CABP1: variants seen among roughly 807,000 people sequenced by gnomAD.
The protein encoded by CABP1 is calcium-binding protein 1.
In CABP1, 17 loss-of-function variants were observed where a neutral mutation model predicts 34.3. That is an observed-to-expected ratio of 0.50 (90% CI 0.34 to 0.74). The LOEUF (loss-of-function observed/expected upper bound fraction) is 0.74. Ranked by LOEUF, CABP1 falls within the 30% of genes least tolerant of loss-of-function variation. The pLI, the probability that CABP1 is intolerant of heterozygous loss-of-function variation, is 0.01. For missense variants in CABP1, 373 were observed against 511.1 expected (o/e 0.73, Z 2.61); for synonymous variants, 198 against 229.2 (o/e 0.86, Z 1.23).
chr12:120,643,966 G>T (rs1879445151), intron 1 of CABP1, among the ~76,000 whole-genome samples: 1 of 152,194 alleles, frequency 6.6e-6, no homozygotes. Context: ...AAGGCACAAA[G>T]ATGAATTCCT....
intron 1 of CABP1, among the ~76,000 whole-genome samples, chr12:120,642,573 C>T (rs1304686207): frequency 6.6e-6 from 1 of 152,082 alleles, no homozygotes; most frequent in Non-Finnish European, 1.5e-5. Flanking sequence ...CCTCGTTAGC[C>T]GAGTTAGCTG....
chr12:120,657,449 GC>G (rs1432446282), intron 1 of CABP1, among the ~76,000 whole-genome samples: 1 of 152,176 alleles, frequency 6.6e-6, no homozygotes, highest in African/African-American at 2.4e-5. Context: ...AGAGTGACCT[GC>G]CTGAGGAAGT....
At position 120,647,440 on chromosome 12, in the gene CABP1, C is replaced by A. The variant is rs922045203; in HGVS notation, c.654+6101C>A. 4.7e-5 allele frequency among the ~76,000 whole-genome samples: 7 copies of A among 150,462 alleles called. No homozygotes were observed. The East Asian group carries it at 1.4e-3, about 29-fold the overall frequency. On this transcript the variant is annotated intron_variant, in intron 1 of 5. Coordinates refer to ENST00000316803, the MANE Select transcript of CABP1 (RefSeq NM_001033677.2). ...GTCTCACTATGTTGTCCAGGCTGGT[C>A]TCGAACTCCTGGGCTCAATGATCCT... is the stretch of plus-strand genomic sequence containing the variant.
At chr12:120,666,473 C>CAAAAAA (rs55848637) in intron 5 of CABP1, among the ~76,000 whole-genome samples, 2 of 81,132 alleles carry the variant, frequency 2.5e-5, no homozygotes, top group Non-Finnish European at 4.7e-5. Flanking sequence ...GACTCCATCT[C>CAAAAAA]AAAAAAAAAA....
At chr12:120,664,573 G>A (rs1360724797) in intron 5 of CABP1, among the ~76,000 whole-genome samples, 2 of 152,080 alleles carry the variant, frequency 1.3e-5, no homozygotes, top group South Asian at 2.1e-4. Context: ...ATTGCTCAGT[G>A]CTAAAAAGAG....
chr12:120,672,260 T>A (rs2137387824), downstream of CABP1, among the ~76,000 whole-genome samples: 1 of 152,256 alleles, frequency 6.6e-6, no homozygotes, highest in Non-Finnish European at 1.5e-5. Flanking sequence ...GACATCAGTT[T>A]TTGACATCCA....
intron 1 of CABP1, among the ~76,000 whole-genome samples, chr12:120,646,754 C>T (rs1030515183): frequency 6.6e-6 from 1 of 152,132 alleles, no homozygotes. Context: ...CTCAACTGAT[C>T]CTCCCACCTC....
At chr12:120,655,591 T>A in intron 1 of CABP1, 1 of 1,307,432 alleles carries the variant, frequency 7.6e-7, no homozygotes, top group East Asian at 2.9e-5. Context: ...TTGCCCTCAC[T>A]GCCTTCCAGC....
chr12:120,679,554 G>A, the CABP1 span, among the ~76,000 whole-genome samples: 2 of 152,168 alleles, frequency 1.3e-5, no homozygotes, highest in African/African-American at 4.8e-5. Flanking sequence ...TGGGCTGGGC[G>A]CAGTGGCTCA....
chr12:120,674,382 A>G, the CABP1 span, among the ~76,000 whole-genome samples: 9,835 of 152,272 alleles, frequency 0.065, 376 homozygotes, highest in Admixed American at 0.12. Context: ...CACAGCTTAA[A>G]TCTGGGATCT....
intron 1 of CABP1, among the ~76,000 whole-genome samples, chr12:120,649,930 T>C (rs938723272): frequency 6.6e-6 from 1 of 152,094 alleles, no homozygotes; most frequent in Admixed American, 6.6e-5. Context: ...AGTGAGTGCT[T>C]GTCCAGCTCA....
the CABP1 span, among the ~76,000 whole-genome samples, chr12:120,672,355 G>A: frequency 7.4e-4 from 113 of 152,202 alleles, no homozygotes; most frequent in Non-Finnish European, 1.3e-3. Context: ...GAGATGGGCC[G>A]GGCATGGTGG....
At chr12:120,673,969 C>T in the CABP1 span, among the ~76,000 whole-genome samples, 1 of 152,112 alleles carries the variant, frequency 6.6e-6, no homozygotes, top group South Asian at 2.1e-4. Context: ...ATCGTTTGAG[C>T]CCAGGAGTTT....
the CABP1 span, among the ~76,000 whole-genome samples, chr12:120,680,129 C>G: frequency 3.3e-5 from 5 of 152,150 alleles, no homozygotes; most frequent in African/African-American, 1.2e-4. Context: ...GCAGAAATCA[C>G]ACCACTGCAC....
chr12:120,644,814 G>C (rs1288556100), intron 1 of CABP1, among the ~76,000 whole-genome samples: 1 of 152,122 alleles, frequency 6.6e-6, no homozygotes, highest in African/African-American at 2.4e-5. Flanking sequence ...TGGTTTGTTT[G>C]TTTATTTTGA....
intron 1 of CABP1, among the ~76,000 whole-genome samples, chr12:120,645,902 A>C (rs1680637458): frequency 6.6e-6 from 1 of 152,160 alleles, no homozygotes; most frequent in African/African-American, 2.4e-5. Flanking sequence ...AGTACATGGC[A>C]GGGCCAGGTG....
In CABP1 at chr12:120,640,812, A is replaced by ACCGCG. The variant is rs1207479455; in HGVS notation, c.132_136dup (p.Pro46ArgfsTer15). 1.2e-5 allele frequency: 13 copies of ACCGCG among 1,088,584 alleles called. No homozygotes were observed. Among genetic ancestry groups the ACCGCG allele is most frequent in the Non-Finnish European group, 1.4e-5 (13 of 898,538 alleles). 67.4% of individuals were successfully genotyped at this position (1,088,584 alleles called of 1,614,324 possible). ...CGCCGGGGGCCCCGCGCCGCGCCGC[A>ACCGCG]CCGCGCCGCCCCCGCCGGGCCATGC... On this transcript the variant is annotated frameshift_variant, in exon 1 of 6. Transcript: ENST00000316803. LOFTEE classifies it high-confidence loss of function. This position sits in a 1 kb window ranked among gnomAD's most constrained non-coding sequence, Gnocchi z 6.2.
intron 1 of CABP1, chr12:120,656,369 C>A (rs1347137790): frequency 2.5e-6 from 3 of 1,199,756 alleles, no homozygotes; most frequent in Non-Finnish European, 3.3e-6. Context: ...GCTCACACCC[C>A]CAACTTATGA....
At chr12:120,659,331 T>C in intron 1 of CABP1, 1 of 153,562 alleles carries the variant, frequency 6.5e-6, no homozygotes, top group Non-Finnish European at 1.5e-5. Context: ...CTGCCTTCCC[T>C]CCCCTCCTGC....
Sources: allele counts gnomAD v4.1 joint callset (sites outside exome capture counted in the v4.1 genomes callset), GRCh38; gene constraint gnomAD v4.1.1; non-coding constraint Gnocchi (gnomAD v3.1); transcripts MANE v1.5; gene names NCBI Gene and HGNC (gene_info 2026-07-23, HGNC 2026-07-21).